UGT2B10: variants seen among roughly 807,000 people sequenced by gnomAD.
UGT2B10 encodes the protein UDP-glucuronosyltransferase 2B10.
In UGT2B10, 51 loss-of-function variants were observed where a neutral mutation model predicts 43.7. The observed-to-expected ratio is 1.17, with a 90% confidence interval of 0.93 to 1.47. The LOEUF (loss-of-function observed/expected upper bound fraction) is 1.47, where lower values mean the gene tolerates loss of function less well. UGT2B10 is among the 40% of genes most tolerant of loss of function. The pLI, the probability that UGT2B10 is intolerant of heterozygous loss-of-function variation, is 0.00. For synonymous variants in UGT2B10, 225 were observed against 209.0 expected (o/e 1.08, Z -0.66); for missense variants, 696 against 617.7 (o/e 1.13, Z -1.34).
Position 68,828,605 on chromosome 4 carries a change from C to A in UGT2B10, c.1307+1057C>A, listed in dbSNP as rs910976468. On this transcript the variant is annotated intron_variant, in intron 5 of 5. Transcript: ENST00000265403. ...AATACTTTCACTCAACCTAAACAGA[C>A]TTTTTTAAAAAAACAAGCAAATAAT... is the stretch of plus-strand genomic sequence containing the variant. Among the ~76,000 whole-genome samples, 8 of 151,924 alleles carry A rather than the reference C, an allele frequency of 5.3e-5. No homozygotes were observed. In the East Asian group the frequency reaches 7.7e-4, roughly 15 times the overall value.
chr4:68,827,494 C>A lies in UGT2B10; in HGVS notation c.1253C>A (p.Thr418Lys). ...GCAGCTGTTAGAGTGGACTTCAACACAATGTCGAGTACAGACCTGCTGAAT... is the reference window on the plus strand; with the variant it reads ...GCAGCTGTTAGAGTGGACTTCAACAAAATGTCGAGTACAGACCTGCTGAAT... ...KGAAVRVDFN[T>K]MSSTDLLNAL... Residue 418 changes from threonine to lysine, a missense_variant, in exon 5 of 6, where the codon ACA becomes AAA. Coordinates refer to ENST00000265403, the MANE Select transcript of UGT2B10 (RefSeq NM_001075.6). The A allele has an allele frequency of 6.2e-7, 1 of 1,613,426 alleles. No homozygotes were observed. The highest frequency in any genetic ancestry group is 8.5e-7 in the Non-Finnish European group (1 of 1,179,550).
chr4:68,818,365 CA>C lies in UGT2B10; in HGVS notation c.867+191del, dbSNP rs539668761. The stretch of plus-strand genomic sequence containing the variant: ...ACGTATGTGAGTTTTATGCATGTTA[CA>C]AATAGAGAGGAATACTAAAGAAACT... On this transcript the variant is annotated intron_variant, in intron 2 of 5. Transcript: ENST00000265403. 4.6e-5 allele frequency among the ~76,000 whole-genome samples: 7 copies of C among 151,754 alleles called. No homozygotes were observed. The East Asian group carries it at 1.4e-3, about 29-fold the overall frequency.
Position 68,826,021 on chromosome 4 carries a change from T to A in UGT2B10, c.1000-389T>A, listed in dbSNP as rs564869744. 2.0e-5 allele frequency among the ~76,000 whole-genome samples: 3 copies of A among 152,216 alleles called. No individual in the cohort carries two copies. In the South Asian group the frequency reaches 6.2e-4, roughly 32 times the overall value. On this transcript the variant is annotated intron_variant, in intron 3 of 5. Transcript: ENST00000265403. The stretch of plus-strand genomic sequence containing the variant: ...ATCATGATATTTTTTGAGTTTTTAA[T>A]AATGGCCATTCTGACTGGTGTGCGA...
chr4:68,820,611 T>G (rs535482279), intron 2 of UGT2B10, among the ~76,000 whole-genome samples: 5 of 152,010 alleles, frequency 3.3e-5, no homozygotes, highest in African/African-American at 1.2e-4. Flanking sequence ...ATAATACACA[T>G]ACAGTGAATA....
intron 5 of UGT2B10, among the ~76,000 whole-genome samples, chr4:68,830,384 C>A (rs1359665472): frequency 6.6e-6 from 1 of 151,422 alleles, no homozygotes; most frequent in Non-Finnish European, 1.5e-5. Flanking sequence ...TCTCACCTGA[C>A]TTTCCTTTTC....
At chr4:68,824,782 G>C (rs1737686732) in intron 3 of UGT2B10, among the ~76,000 whole-genome samples, 1 of 152,072 alleles carries the variant, frequency 6.6e-6, no homozygotes, top group African/African-American at 2.4e-5. Context: ...AAGCTTTGTA[G>C]CACCTTGTCT....
At chr4:68,822,494 G>C in intron 3 of UGT2B10, 92 bp downstream of exon 3, 1 of 1,596,142 alleles carries the variant, frequency 6.3e-7, no homozygotes, top group East Asian at 2.2e-5. Flanking sequence ...AGAGTAGACT[G>C]AACTATTTAT....
chr4:68,818,686 G>A (rs976474255), intron 2 of UGT2B10, among the ~76,000 whole-genome samples: 11 of 151,786 alleles, frequency 7.2e-5, no homozygotes, highest in African/African-American at 2.7e-4. Flanking sequence ...TCACTGATGA[G>A]TACGATGAGA....
intron 3 of UGT2B10, among the ~76,000 whole-genome samples, chr4:68,824,603 A>C (rs1355969829): frequency 6.6e-6 from 1 of 152,188 alleles, no homozygotes; most frequent in Admixed American, 6.6e-5. Context: ...CTTTCTTGTA[A>C]TGGCCTCTAA....
rs373059693 is a variant in UGT2B10 at position 68,818,167 on chromosome 4, C to T, written c.857C>T (p.Pro286Leu). The stretch of plus-strand genomic sequence containing the variant: ...GGACTCCACTGCAAACCTGCCAAAC[C>T]CCTACCTAAGGTAAACATACTTTCG... ...VGGLHCKPAK[P>L]LPKEMEEFVQ... Residue 286 changes from proline to leucine, a missense_variant, in exon 2 of 6, where the codon CCC becomes CTC. Transcript: ENST00000265403. 66 of 1,609,548 alleles carry T rather than the reference C, an allele frequency of 4.1e-5. 1 individual carries two copies. Among genetic ancestry groups the T allele is most frequent in the East Asian group, 2.7e-4 (12 of 44,758 alleles).
chr4:68,824,031 T>G (rs1259726677), intron 3 of UGT2B10, among the ~76,000 whole-genome samples: 1 of 152,210 alleles, frequency 6.6e-6, no homozygotes, highest in Non-Finnish European at 1.5e-5. Flanking sequence ...TACGTTTTAA[T>G]GGGTGACTTC....
intron 5 of UGT2B10, 22 bp from the exon 6 acceptor site, chr4:68,830,578 T>C (rs1461680238): frequency 7.5e-6 from 12 of 1,593,878 alleles, no homozygotes; most frequent in Non-Finnish European, 1.0e-5. Flanking sequence ...TCAGTGTCGG[T>C]ATCTTTATTT....
Position 68,830,654 on chromosome 4 carries a change from G to C in UGT2B10, c.1362G>C (p.Lys454Asn). ...GAATTCAACATGATCAACCAGTGAA[G>C]CCCCTGGATCGAGCAGTCTTCTGGA... ...LSRIQHDQPVKPLDRAVFWIE... is the reference protein window; with the variant it reads ...LSRIQHDQPVNPLDRAVFWIE... Residue 454 changes from lysine (K) to asparagine (N), a missense_variant, in exon 6 of 6, where the codon AAG becomes AAC. Transcript: ENST00000265403. 4 of 1,613,176 alleles carry C rather than the reference G, an allele frequency of 2.5e-6. No homozygotes were observed. The highest frequency in any genetic ancestry group is 3.4e-6 in the Non-Finnish European group (4 of 1,179,402).
chr4:68,830,750 G>C lies in UGT2B10; in HGVS notation c.1458G>C (p.Gln486His), dbSNP rs1405006241. 1 of 1,613,402 alleles carries C rather than the reference G, an allele frequency of 6.2e-7. No homozygotes were observed. Among genetic ancestry groups the C allele is most frequent in the Admixed American group, 1.7e-5 (1 of 59,930 alleles). ...RVAAHNLTWF[Q>H]YHSLDVIGFL... Reference sequence around the variant, plus strand: ...CAGCCCACAACCTCACCTGGTTCCAGTACCACTCTTTGGATGTGATTGGGT... The same window carrying C: ...CAGCCCACAACCTCACCTGGTTCCACTACCACTCTTTGGATGTGATTGGGT... Residue 486 changes from glutamine (Q) to histidine (H), a missense_variant, in exon 6 of 6, where the codon CAG (glutamine) becomes CAC (histidine). By Grantham distance (24) the Gln-to-His change is conservative. Coordinates refer to ENST00000265403, the MANE Select transcript of UGT2B10 (RefSeq NM_001075.6).
chr4:68,816,443 T>A lies in UGT2B10; in HGVS notation c.424T>A (p.Ser142Thr). 1 of 1,612,986 alleles carries A rather than the reference T, an allele frequency of 6.2e-7. No homozygotes were observed. Among genetic ancestry groups the A allele is most frequent in the South Asian group, 1.1e-5 (1 of 91,052 alleles). ...GAAACTTATGAAAAAACTACAAGAG[T>A]CAAGATTTGACATCGTTTTTGCAGA... ...NKKLMKKLQESRFDIVFADAY... is the reference protein window; with the variant it reads ...NKKLMKKLQETRFDIVFADAY... Residue 142 changes from serine (S) to threonine (T), a missense_variant, in exon 1 of 6, where the codon TCA becomes ACA. By Grantham distance (58) the Ser-to-Thr change is moderately conservative. Transcript: ENST00000265403.
intron 2 of UGT2B10, among the ~76,000 whole-genome samples, chr4:68,818,385 A>G (rs1737328921): frequency 1.3e-5 from 2 of 151,824 alleles, no homozygotes; most frequent in Non-Finnish European, 2.9e-5. Flanking sequence ...GGAATACTAA[A>G]GAAACTTTGA....
At chr4:68,826,962 A>G (rs1473132214) in intron 4 of UGT2B10, among the ~76,000 whole-genome samples, 4 of 152,080 alleles carry the variant, frequency 2.6e-5, no homozygotes, top group Non-Finnish European at 5.9e-5. Flanking sequence ...TAGCACCACC[A>G]CCAACCCACT....
At chr4:68,820,503 G>T (rs835317) in intron 2 of UGT2B10, among the ~76,000 whole-genome samples, 118,990 of 151,928 alleles carry the variant, frequency 0.78, 49,607 homozygotes, top group South Asian at 0.94. Context: ...AACATTGGAA[G>T]TAATCCAACA....
At position 68,818,069 on chromosome 4, in the gene UGT2B10, C is replaced by G; in HGVS notation, c.759C>G (p.Asp253Glu). ...TTLSETMRKA[D>E]IWLMRNSWNF... ...TATCTGAGACAATGAGGAAAGCTGACATATGGCTTATGCGAAACTCCTGGA... is the reference window on the plus strand; with the variant it reads ...TATCTGAGACAATGAGGAAAGCTGAGATATGGCTTATGCGAAACTCCTGGA... Residue 253 changes from aspartate to glutamate, a missense_variant, in exon 2 of 6, where the codon GAC becomes GAG. Transcript: ENST00000265403. 1 of 1,611,608 alleles carries G rather than the reference C, an allele frequency of 6.2e-7. No homozygotes were observed. The highest frequency in any genetic ancestry group is 8.5e-7 in the Non-Finnish European group (1 of 1,178,498).
Sources: allele counts gnomAD v4.1 joint callset (sites outside exome capture counted in the v4.1 genomes callset), GRCh38; gene constraint gnomAD v4.1.1; transcripts MANE v1.5; gene names NCBI Gene and HGNC (gene_info 2026-07-23, HGNC 2026-07-21).